NCAM1: variants seen among roughly 807,000 people sequenced by gnomAD.
The protein encoded by NCAM1 is antigen recognized by monoclonal antibody 5.1H11.
NCAM1 carries 14 observed loss-of-function variants against 109.8 expected under a neutral mutation model. The observed-to-expected ratio is 0.13, with a 90% CI of 0.08 to 0.20. The LOEUF is 0.20. NCAM1 is among the 10% of genes least tolerant of loss of function. The pLI is 1.00. For missense variants in NCAM1, 774 were observed against 1,109.9 expected, an observed-to-expected ratio of 0.70 and a Z score of 4.30; for synonymous variants, 418 against 442.9, an observed-to-expected ratio of 0.94 and a Z score of 0.70.
chr11:113,093,279 G>C (rs1392892986), intron 1 of NCAM1, among the ~76,000 whole-genome samples: 1 of 152,184 alleles, frequency 6.6e-6, no homozygotes. Context: ...TGGAAAATGG[G>C]TCACACAATC....
intron 8 of NCAM1, among the ~76,000 whole-genome samples, chr11:113,220,226 C>G (rs782178117): frequency 4.6e-5 from 7 of 152,318 alleles, no homozygotes; most frequent in African/African-American, 7.2e-5. Context: ...GAAAATCCCT[C>G]TAACCTCTGT....
rs1555079716 is a variant in NCAM1 at position 113,039,977 on chromosome 11, C to G, written c.52+78313C>G. The stretch of plus-strand genomic sequence containing the variant: ...CCAACATGGCGAAACCCCATCTCTA[C>G]TAAAAATACAAAACTTATCCGGGCG... On this transcript the variant is annotated intron_variant, in intron 1 of 19. Transcript: ENST00000316851. Among the ~76,000 whole-genome samples, 10 of 152,022 alleles carry G rather than the reference C, an allele frequency of 6.6e-5. 1 individual carries two copies. Among genetic ancestry groups the G allele is most frequent in the Non-Finnish European group, 1.5e-4 (10 of 68,016 alleles).
chr11:113,107,355 G>A (rs12295458), intron 1 of NCAM1, among the ~76,000 whole-genome samples: 12 of 152,222 alleles, frequency 7.9e-5, no homozygotes, highest in South Asian at 6.2e-4. Context: ...TGTGCAAAGC[G>A]CCAGGCTTTT....
intron 1 of NCAM1, among the ~76,000 whole-genome samples, chr11:112,964,140 GTTTTTTTTTT>G (rs1254307069): frequency 1.4e-5 from 1 of 72,908 alleles, no homozygotes; most frequent in Non-Finnish European, 2.7e-5. Flanking sequence ...TTTTTTTTTT[GTTTTTTTTTT>G]TTTTGTTTTT....
chr11:113,121,382 C>G (rs543661344), intron 1 of NCAM1, among the ~76,000 whole-genome samples: 35 of 151,242 alleles, frequency 2.3e-4, no homozygotes, highest in African/African-American at 8.0e-4. Context: ...CACTACACCC[C>G]GCTAATTTTT....
intron 1 of NCAM1, among the ~76,000 whole-genome samples, chr11:113,061,405 C>A (rs1937632081): frequency 6.6e-6 from 1 of 152,126 alleles, no homozygotes; most frequent in Admixed American, 6.5e-5. Context: ...ACCTGCCTCC[C>A]AGACCTGTGT....
chr11:113,226,226 A>C (rs1944841844), intron 9 of NCAM1, among the ~76,000 whole-genome samples: 1 of 152,216 alleles, frequency 6.6e-6, no homozygotes, highest in Non-Finnish European at 1.5e-5. Context: ...AAATAAAGGG[A>C]TGGAGGAAGA....
chr11:112,990,581 G>A (rs1486856897), intron 1 of NCAM1, among the ~76,000 whole-genome samples: 1 of 152,188 alleles, frequency 6.6e-6, no homozygotes, highest in Non-Finnish European at 1.5e-5. Flanking sequence ...ACTGATCTCA[G>A]ACCACTGCTG....
At chr11:113,025,224 T>C (rs2135281266) in intron 1 of NCAM1, among the ~76,000 whole-genome samples, 1 of 152,318 alleles carries the variant, frequency 6.6e-6, no homozygotes, top group South Asian at 2.1e-4. Context: ...ATACATAGAA[T>C]TATACTGGAC....
chr11:113,115,551 A>T (rs1230035391), intron 1 of NCAM1, among the ~76,000 whole-genome samples: 1 of 152,222 alleles, frequency 6.6e-6, no homozygotes, highest in Non-Finnish European at 1.5e-5. Flanking sequence ...TCTGTAAGGG[A>T]CACGGTGACC....
intron 1 of NCAM1, among the ~76,000 whole-genome samples, chr11:113,185,084 A>ATATATATATATATATATAT (rs1565485449): frequency 7.7e-5 from 10 of 130,390 alleles, no homozygotes; most frequent in African/African-American, 2.8e-4. Flanking sequence ...ATATATAGAG[A>ATATATATATATATATATAT]GAGAGAGAGA....
intron 1 of NCAM1, among the ~76,000 whole-genome samples, chr11:113,189,782 G>A (rs1464417258): frequency 3.3e-5 from 5 of 151,902 alleles, no homozygotes; most frequent in Non-Finnish European, 7.4e-5. Context: ...TGGATTGAGG[G>A]AGGAGGAAAG....
rs142565054 is a variant in NCAM1 at position 113,079,846 on chromosome 11, A to G, written c.52+118182A>G. Among the ~76,000 whole-genome samples the G allele has an allele frequency of 3.9e-3, 587 of 152,252 alleles. 1 individual carries two copies. The highest frequency in any genetic ancestry group is 4.5e-3 in the Non-Finnish European group (303 of 68,018). On this transcript the variant is annotated intron_variant, in intron 1 of 19. Coordinates refer to ENST00000316851, the MANE Select transcript of NCAM1 (RefSeq NM_181351.5). ...GCAGACATGGCCACTGTAATATAATAAAACTATTTCGAGATTGGCATATTA... is the reference window on the plus strand; with the variant it reads ...GCAGACATGGCCACTGTAATATAATGAAACTATTTCGAGATTGGCATATTA...
At chr11:113,226,704 A>T (rs1055733204) in intron 9 of NCAM1, among the ~76,000 whole-genome samples, 8 of 152,224 alleles carry the variant, frequency 5.3e-5, no homozygotes, top group Non-Finnish European at 1.2e-4. Flanking sequence ...AGCAAATGTA[A>T]AAGAACAGAA....
intron 9 of NCAM1, among the ~76,000 whole-genome samples, chr11:113,229,974 C>A (rs574956510): frequency 1.2e-4 from 18 of 151,970 alleles, no homozygotes; most frequent in Admixed American, 7.2e-4. Flanking sequence ...AGCAGATATA[C>A]CTAATGTAAA....
intron 15 of NCAM1, among the ~76,000 whole-genome samples, chr11:113,246,668 T>C (rs1555120299): frequency 6.6e-6 from 1 of 152,244 alleles, no homozygotes; most frequent in African/African-American, 2.4e-5. Context: ...ACCAGATGGT[T>C]CATAAAAATT....
intron 1 of NCAM1, among the ~76,000 whole-genome samples, chr11:112,994,458 T>C (rs1951540020): frequency 6.6e-6 from 1 of 152,242 alleles, no homozygotes; most frequent in African/African-American, 2.4e-5. Context: ...GTGTGGACCT[T>C]TGAAAATTCA....
chr11:113,183,271 G>T (rs1194673777), intron 1 of NCAM1, among the ~76,000 whole-genome samples: 1 of 152,162 alleles, frequency 6.6e-6, no homozygotes, highest in African/African-American at 2.4e-5. Flanking sequence ...AACCCAGGAG[G>T]ACGTTAGAAA....
At chr11:113,108,960 A>T in intron 1 of NCAM1, among the ~76,000 whole-genome samples, 1 of 149,848 alleles carries the variant, frequency 6.7e-6, no homozygotes. Context: ...CTGGTTTCGA[A>T]CTCCTGACCA....
Sources: gnomAD v4.1 joint callset for allele counts (sites outside exome capture counted in the v4.1 genomes callset) on GRCh38, gnomAD v4.1.1 for gene constraint, MANE v1.5 for transcripts, NCBI Gene and HGNC (gene_info 2026-07-23, HGNC 2026-07-21) for gene names.